The following HMCN1 variants were observed in gnomAD, a reference collection of about 807,000 sequenced individuals.
HMCN1 encodes hemicentin 1.
A neutral mutation model predicts 625.9 loss-of-function variants in HMCN1; 321 were observed. The ratio of observed to expected loss-of-function variants is 0.51; its 90% CI spans 0.47 to 0.56. The LOEUF is 0.56. HMCN1 is among the 20% of genes least tolerant of loss of function. HMCN1 has a pLI of 0.00. For synonymous variants in HMCN1, 2,425 were observed against 2,417.6 expected, an observed-to-expected ratio of 1.00 and a Z score of -0.09; for missense variants, 6,588 against 6,887.3, an observed-to-expected ratio of 0.96 and a Z score of 1.54.
intron 33 of HMCN1, 47 bp downstream of exon 33, chr1:186,017,118 G>T: frequency 1.1e-6 from 1 of 931,028 alleles, no homozygotes; most frequent in South Asian, 1.3e-5. Context: ...TTTTTGTTTT[G>T]AGTGTTTTAG....
Position 186,166,194 on chromosome 1 carries a change from A to T in HMCN1, c.15330A>T (p.Glu5110Asp). 6.2e-7 allele frequency: 1 copy of T among 1,614,074 alleles called. No individual in the cohort carries two copies. The highest frequency in any genetic ancestry group is 8.5e-7 in the Non-Finnish European group (1 of 1,180,000). Residue 5110 changes from glutamate to aspartate, a missense_variant, in exon 99 of 107, where the codon GAA becomes GAT. By Grantham distance (45) the Glu-to-Asp change is conservative (BLOSUM62 2). Around this residue, in one of 3 missense-constraint regions of HMCN1, gnomAD observed 1,954 missense variants for 2,013.1 expected, o/e 0.97. Transcript: ENST00000271588. ...TGTTTCTTCTTTAAGATGAGGATGAATGTGCAGCAGGGAATCCCTGCTCCC... is the reference window on the plus strand; with the variant it reads ...TGTTTCTTCTTTAAGATGAGGATGATTGTGCAGCAGGGAATCCCTGCTCCC... The part of the protein sequence containing the change: ...SVGPFCADED[E>D]CAAGNPCSHS...
chr1:186,069,617 T>G, intron 50 of HMCN1, 46 bp from the exon 51 acceptor site: 1 of 1,243,232 alleles, frequency 8.0e-7, no homozygotes, highest in Non-Finnish European at 1.2e-6. Context: ...TGTACTCCAC[T>G]GTCACTGTGA....
At chr1:185,944,119 T>C (rs1304743372) in intron 11 of HMCN1, among the ~76,000 whole-genome samples, 1 of 151,822 alleles carries the variant, frequency 6.6e-6, no homozygotes, top group African/African-American at 2.4e-5. Flanking sequence ...TTTCTAGATA[T>C]GCTATTAACA....
chr1:185,745,277 G>A (rs145005156), intron 1 of HMCN1, among the ~76,000 whole-genome samples: 19 of 152,026 alleles, frequency 1.2e-4, no homozygotes, highest in African/African-American at 4.6e-4. Context: ...GCAGTGTACA[G>A]CCAAGTTCTA....
chr1:186,124,787 G>C (rs1661566186), intron 81 of HMCN1, among the ~76,000 whole-genome samples: 1 of 152,022 alleles, frequency 6.6e-6, no homozygotes, highest in Non-Finnish European at 1.5e-5. Context: ...AGATGGGTCT[G>C]CTTCTGATTT....
intron 11 of HMCN1, among the ~76,000 whole-genome samples, chr1:185,948,481 T>G: frequency 1.4e-5 from 2 of 141,114 alleles, no homozygotes; most frequent in African/African-American, 2.6e-5. Flanking sequence ...GGAGTGGGGG[T>G]CGCAAGGTGC....
rs147422517 is a variant in HMCN1, at chr1:186,173,753, T to C, written c.15815-761T>C. 4.6e-5 allele frequency among the ~76,000 whole-genome samples: 7 copies of C among 151,498 alleles called. No homozygotes were observed. The East Asian group carries it at 1.4e-3, about 29-fold the overall frequency. On this transcript the variant is annotated intron_variant, in intron 102 of 106. Coordinates refer to ENST00000271588, the MANE Select transcript of HMCN1 (RefSeq NM_031935.3). ...TCAGAATATTGGCCCTAATTATGTATAAGCTTAACTAGACATGAGTTGAAA... is the reference window on the plus strand; with the variant it reads ...TCAGAATATTGGCCCTAATTATGTACAAGCTTAACTAGACATGAGTTGAAA...
intron 1 of HMCN1, among the ~76,000 whole-genome samples, chr1:185,756,258 T>C (rs991499207): frequency 6.6e-6 from 1 of 152,230 alleles, no homozygotes; most frequent in East Asian, 1.9e-4. Context: ...TTCCCTTTTA[T>C]GCATGTGTTT....
rs74831530 is a variant in HMCN1, at chr1:185,918,489, C to T, written c.901-3890C>T. On this transcript the variant is annotated intron_variant, in intron 6 of 106. Transcript: ENST00000271588. Reference sequence around the variant, plus strand: ...GTCTTCCTCCTCCAGTTCACTGACTCAAATATCAGTCTCCTTTGGCAACAC... The same window carrying T: ...GTCTTCCTCCTCCAGTTCACTGACTTAAATATCAGTCTCCTTTGGCAACAC... Among the ~76,000 whole-genome samples, 1,048 of 152,302 alleles carry T rather than the reference C, an allele frequency of 6.9e-3. 9 individuals carry two copies. The highest frequency in any genetic ancestry group is 0.017 in the Middle Eastern group (5 of 294).
intron 11 of HMCN1, 46 bp downstream of exon 11, chr1:185,933,870 C>T (rs1454886857): frequency 3.2e-6 from 5 of 1,586,362 alleles, no homozygotes; most frequent in Non-Finnish European, 4.3e-6. Context: ...TTTCTGTCCT[C>T]TATTTTTAAA....
chr1:186,145,968 T>G, intron 93 of HMCN1, 45 bp downstream of exon 93: 1 of 1,593,544 alleles, frequency 6.3e-7, no homozygotes, highest in Non-Finnish European at 8.6e-7. Flanking sequence ...AGAGCCTTTG[T>G]GCAAATTAGA....
At chr1:185,885,277 C>T (rs1664570856) in intron 4 of HMCN1, among the ~76,000 whole-genome samples, 1 of 151,818 alleles carries the variant, frequency 6.6e-6, no homozygotes, top group Admixed American at 6.6e-5. Flanking sequence ...TCTCCACAAA[C>T]TCATCCGAGG....
Position 186,151,369 on chromosome 1 carries a change from C to G in HMCN1, c.14758+20C>G. On this transcript the variant is annotated intron_variant, in intron 94 of 106. Coordinates refer to ENST00000271588, the MANE Select transcript of HMCN1 (RefSeq NM_031935.3). Reference sequence around the variant, plus strand: ...GTCTTGGTAAGTCTTTGCCTCAAGCCTCTTTTTAAAAACTTATATATTATT... The same window carrying G: ...GTCTTGGTAAGTCTTTGCCTCAAGCGTCTTTTTAAAAACTTATATATTATT... 1 of 1,608,634 alleles carries G rather than the reference C, an allele frequency of 6.2e-7. No homozygotes were observed. Among genetic ancestry groups the G allele is most frequent in the South Asian group, 1.1e-5 (1 of 90,874 alleles).
Position 185,995,132 on chromosome 1 carries a change from G to C in HMCN1, c.3778+45G>C, listed in dbSNP as rs1241179715. On this transcript the variant is annotated intron_variant, in intron 24 of 106. Transcript: ENST00000271588. ...AATATATGTATGTAGGGTGGGGAGT[G>C]AGAGAAAAGCCCTAGAGCTAAATAG... The C allele has an allele frequency of 3.8e-6, 6 of 1,558,688 alleles. No individual in the cohort carries two copies. In the Admixed American group the frequency reaches 1.0e-4, roughly 26 times the overall value.
chr1:185,967,750 G>GA (rs1383795503), intron 14 of HMCN1, among the ~76,000 whole-genome samples: 1 of 152,120 alleles, frequency 6.6e-6, no homozygotes, highest in Non-Finnish European at 1.5e-5. Context: ...GGAAGGCTGG[G>GA]AAAATGCTAC....
chr1:186,047,709 T>C (rs4651292), intron 41 of HMCN1, among the ~76,000 whole-genome samples: 94,675 of 151,928 alleles, frequency 0.62, 30,407 homozygotes, highest in African/African-American at 0.79. Flanking sequence ...TGCCACGAAT[T>C]TGTGACTCTG....
At chr1:186,019,211 A>G (rs77602005) in intron 34 of HMCN1, among the ~76,000 whole-genome samples, 2,729 of 152,076 alleles carry the variant, frequency 0.018, 81 homozygotes, top group African/African-American at 0.062. Flanking sequence ...CCTTGACTTA[A>G]TGAAGTAGTT....
intron 52 of HMCN1, among the ~76,000 whole-genome samples, chr1:186,071,566 A>T (rs796616261): frequency 2.0e-5 from 3 of 152,166 alleles, no homozygotes; most frequent in African/African-American, 4.8e-5. Context: ...TTTTACACAT[A>T]ATCAACCAAA....
chr1:186,150,626 G>A (rs1026744776), intron 93 of HMCN1, among the ~76,000 whole-genome samples: 1 of 152,118 alleles, frequency 6.6e-6, no homozygotes, highest in African/African-American at 2.4e-5. Flanking sequence ...CCTAGAAGCT[G>A]TTTTGTTGAT....
Sources: gnomAD v4.1 joint callset for allele counts (sites outside exome capture counted in the v4.1 genomes callset) on GRCh38, gnomAD v4.1.1 for gene constraint, gnomAD v4.1.1 regional missense constraint, MANE v1.5 for transcripts, NCBI Gene and HGNC (gene_info 2026-07-23, HGNC 2026-07-21) for gene names.